TENM4: variants seen among roughly 807,000 people sequenced by gnomAD.
The protein encoded by TENM4 is teneurin transmembrane protein 4.
Under a neutral mutation model 243.3 loss-of-function variants are expected in TENM4, and 82 were observed. The ratio of observed to expected loss-of-function variants is 0.34; its 90% CI spans 0.28 to 0.40. The LOEUF is 0.40. Among genes scored for constraint, TENM4 ranks in the 10% least tolerant of loss-of-function variants. TENM4 has a pLI of 1.00. For missense variants in TENM4, 3,138 were observed against 3,673.3 expected, an observed-to-expected ratio of 0.85 and a Z score of 3.77; for synonymous variants, 1,412 against 1,456.3, an observed-to-expected ratio of 0.97 and a Z score of 0.69.
At chr11:79,288,202 T>C (rs187382796) in intron 2 of TENM4, among the ~76,000 whole-genome samples, 169 of 152,358 alleles carry the variant, frequency 1.1e-3, no homozygotes, top group African/African-American at 3.9e-3. Context: ...TCAAAAGCCA[T>C]AACCAGCCCT....
intron 19 of TENM4, among the ~76,000 whole-genome samples, chr11:78,742,758 G>A (rs1300331592): frequency 6.6e-6 from 1 of 152,180 alleles, no homozygotes; most frequent in Non-Finnish European, 1.5e-5. Flanking sequence ...TTCCTGAAGA[G>A]AGTGACAAGG....
intron 6 of TENM4, among the ~76,000 whole-genome samples, chr11:78,919,775 G>GT (rs1476456304): frequency 6.6e-6 from 1 of 152,050 alleles, no homozygotes; most frequent in Non-Finnish European, 1.5e-5. Flanking sequence ...GTGAGTTGGA[G>GT]TTGGGTTTCC....
At chr11:79,089,962 A>C (rs1178303149) in intron 4 of TENM4, among the ~76,000 whole-genome samples, 1 of 152,204 alleles carries the variant, frequency 6.6e-6, no homozygotes, top group Non-Finnish European at 1.5e-5. Context: ...CCATTTTTTT[A>C]GCTATATCAT....
At position 79,421,665 on chromosome 11, in the gene TENM4, C is replaced by A. The variant is rs760401261; in HGVS notation, c.-321+18844G>T. On this transcript the variant is annotated intron_variant, in intron 1 of 33. Transcript: ENST00000278550. The stretch of plus-strand genomic sequence containing the variant: ...AATAATTAAATAGGAGCTAAAGGAA[C>A]GGAACAAGGAAAATGTGTAATCTTC... Among the ~76,000 whole-genome samples the A allele has an allele frequency of 7.4e-5, 11 of 148,476 alleles. 1 individual carries two copies. Among genetic ancestry groups the A allele is most frequent in the Admixed American group, 4.0e-4 (6 of 14,906 alleles).
intron 6 of TENM4, among the ~76,000 whole-genome samples, chr11:79,012,988 C>G (rs1351333006): frequency 6.6e-6 from 1 of 152,178 alleles, no homozygotes; most frequent in Admixed American, 6.5e-5. Flanking sequence ...TTTCAGTGAT[C>G]CCCAACATAA....
chr11:79,099,780 A>G (rs1861175815), intron 4 of TENM4, among the ~76,000 whole-genome samples: 1 of 152,250 alleles, frequency 6.6e-6, no homozygotes, highest in Non-Finnish European at 1.5e-5. Context: ...CTAGATTGAC[A>G]GAGAGCACAG....
At chr11:79,381,091 A>G (rs996090900) in intron 1 of TENM4, among the ~76,000 whole-genome samples, 11 of 151,732 alleles carry the variant, frequency 7.2e-5, no homozygotes, top group African/African-American at 2.7e-4. Context: ...TGTAGCCCTG[A>G]CTCTTGAGTG....
At chr11:79,202,857 A>G (rs562632567) in intron 3 of TENM4, among the ~76,000 whole-genome samples, 1 of 152,290 alleles carries the variant, frequency 6.6e-6, no homozygotes, top group South Asian at 2.1e-4. Context: ...GGAGGCCCAT[A>G]ATGACAAACT....
chr11:79,316,939 G>A (rs1437665449), intron 1 of TENM4, among the ~76,000 whole-genome samples: 2 of 152,226 alleles, frequency 1.3e-5, no homozygotes, highest in African/African-American at 4.8e-5. Context: ...AAGAGTAGAA[G>A]TGACTCTGTG....
In TENM4 at chr11:79,017,983, C is replaced by T. The variant is rs537361895; in HGVS notation, c.493+46755G>A. ...GTCCTGCTGGAGAGGAAAGGTGGTCCTCCCACTTGGGGATGTAAGCTGGGG... is the reference window on the plus strand; with the variant it reads ...GTCCTGCTGGAGAGGAAAGGTGGTCTTCCCACTTGGGGATGTAAGCTGGGG... On this transcript the variant is annotated intron_variant, in intron 6 of 33. Transcript: ENST00000278550. Among the ~76,000 whole-genome samples, 6 of 152,306 alleles carry T rather than the reference C, an allele frequency of 3.9e-5. No homozygotes were observed. The South Asian group carries it at 1.2e-3, about 32-fold the overall frequency.
At chr11:79,252,839 C>T (rs558441955) in intron 2 of TENM4, among the ~76,000 whole-genome samples, 1 of 152,120 alleles carries the variant, frequency 6.6e-6, no homozygotes, top group South Asian at 2.1e-4. Context: ...GAGTTAAACC[C>T]CCCAGAGCCC....
intron 18 of TENM4, among the ~76,000 whole-genome samples, chr11:78,766,969 G>A (rs1342026017): frequency 6.6e-6 from 1 of 152,118 alleles, no homozygotes; most frequent in African/African-American, 2.4e-5. Context: ...CTCCCAAAGT[G>A]TAGCTTTTTT....
chr11:79,428,054 AG>A (rs1233824010), intron 1 of TENM4, among the ~76,000 whole-genome samples: 1 of 152,200 alleles, frequency 6.6e-6, no homozygotes, highest in Non-Finnish European at 1.5e-5. Flanking sequence ...AGAAGCAGGA[AG>A]GAAGACCAAG....
intron 2 of TENM4, among the ~76,000 whole-genome samples, chr11:79,243,541 G>A (rs1262302974): frequency 6.6e-6 from 1 of 152,140 alleles, no homozygotes; most frequent in Non-Finnish European, 1.5e-5. Flanking sequence ...ACGCTGCAGG[G>A]GATATTGAAT....
intron 16 of TENM4, among the ~76,000 whole-genome samples, chr11:78,785,140 T>G (rs752105274): frequency 1.3e-5 from 2 of 151,894 alleles, no homozygotes; most frequent in Non-Finnish European, 2.9e-5. Context: ...TCCTCAGTCA[T>G]GCAGAAAAGG....
At chr11:79,284,111 T>C (rs531434281) in intron 2 of TENM4, among the ~76,000 whole-genome samples, 1 of 152,314 alleles carries the variant, frequency 6.6e-6, no homozygotes, top group South Asian at 2.1e-4. Flanking sequence ...TTTAATATTG[T>C]TTGGATAAAA....
Position 79,440,141 on chromosome 11 carries a change from A to T in TENM4, c.-321+368T>A, listed in dbSNP as rs1055626846. ...GCGAGCTAGTCTGCAGAGGGGCTGC[A>T]GGCGACCGGGCCGGGGCGGGGAACG... is the stretch of plus-strand genomic sequence containing the variant. On this transcript the variant is annotated intron_variant, in intron 1 of 33. Coordinates refer to ENST00000278550, the MANE Select transcript of TENM4 (RefSeq NM_001098816.3). This position sits in a 1 kb window ranked among gnomAD's most constrained non-coding sequence, Gnocchi z 4.7. Among the ~76,000 whole-genome samples, 6 of 152,038 alleles carry T rather than the reference A, an allele frequency of 3.9e-5. No individual in the cohort carries two copies. Among genetic ancestry groups the T allele is most frequent in the African/African-American group, 1.2e-4 (5 of 41,418 alleles).
chr11:78,673,338 G>C (rs775778114), intron 30 of TENM4, among the ~76,000 whole-genome samples: 2 of 152,212 alleles, frequency 1.3e-5, no homozygotes, highest in African/African-American at 4.8e-5. Context: ...GCTAATTGGT[G>C]TCTGGCCTTA....
chr11:78,906,439 C>A (rs1003189229), intron 6 of TENM4, among the ~76,000 whole-genome samples: 3 of 152,206 alleles, frequency 2.0e-5, no homozygotes, highest in Non-Finnish European at 4.4e-5. Flanking sequence ...GGCAAGCCTA[C>A]AGACATTTGC....
Sources: allele counts gnomAD v4.1 joint callset (sites outside exome capture counted in the v4.1 genomes callset), GRCh38; gene constraint gnomAD v4.1.1; non-coding constraint Gnocchi (gnomAD v3.1); transcripts MANE v1.5; gene names NCBI Gene and HGNC (gene_info 2026-07-23, HGNC 2026-07-21).